Variants in GRM8 observed in about 807,000 individuals in gnomAD.
GRM8 encodes the protein metabotropic glutamate receptor 8.
A neutral mutation model predicts 87.2 loss-of-function variants in GRM8; 47 were observed. The ratio of observed to expected loss-of-function variants is 0.54; its 90% CI spans 0.43 to 0.69. The LOEUF (loss-of-function observed/expected upper bound fraction) is 0.69. Among genes scored for constraint, GRM8 ranks in the 30% least tolerant of loss-of-function variants. The pLI is 0.00. For synonymous variants in GRM8, 396 were observed against 404.5 expected (o/e 0.98, Z 0.25); for missense variants, 1,019 against 1,139.2 (o/e 0.89, Z 1.52).
intron 7 of GRM8, among the ~76,000 whole-genome samples, chr7:126,652,445 T>C (rs1365254036): frequency 1.3e-5 from 2 of 152,160 alleles, no homozygotes; most frequent in Non-Finnish European, 2.9e-5. Flanking sequence ...GTGAGGGTGT[T>C]GCCAAAGGAG....
chr7:126,546,080 G>T lies in GRM8; in HGVS notation c.1495-12193C>A, dbSNP rs117890525. On this transcript the variant is annotated intron_variant, in intron 8 of 10. Transcript: ENST00000339582. ...AGGTTTGGAATGAATATTTTCAGTG[G>T]CAAGCTATTTTATATTAGTAAACAA... Among the ~76,000 whole-genome samples, 292 of 152,168 alleles carry T rather than the reference G, an allele frequency of 1.9e-3. 1 individual carries two copies. The highest frequency in any genetic ancestry group is 3.4e-3 in the Non-Finnish European group (230 of 68,014).
intron 6 of GRM8, among the ~76,000 whole-genome samples, chr7:126,881,857 C>T (rs1418311746): frequency 6.6e-6 from 1 of 152,142 alleles, no homozygotes; most frequent in Non-Finnish European, 1.5e-5. Flanking sequence ...GTAACTACTG[C>T]TGTGACTGAC....
chr7:127,116,412 G>A (rs13223635), intron 2 of GRM8, among the ~76,000 whole-genome samples: 37,351 of 152,068 alleles, frequency 0.25, 5,456 homozygotes, highest in Non-Finnish European at 0.34. Flanking sequence ...TGCCAGACAC[G>A]GTGACAGGCC....
At chr7:126,616,992 T>G (rs1386316243) in intron 7 of GRM8, among the ~76,000 whole-genome samples, 4 of 152,008 alleles carry the variant, frequency 2.6e-5, no homozygotes, top group Non-Finnish European at 5.9e-5. Context: ...TTCCAATCAA[T>G]AGAAAAAGAG....
chr7:126,650,605 T>G (rs569760863), intron 7 of GRM8, among the ~76,000 whole-genome samples: 21 of 152,136 alleles, frequency 1.4e-4, no homozygotes, highest in African/African-American at 5.1e-4. Flanking sequence ...GGTCAGGGAC[T>G]TGGAAGAAGC....
At chr7:127,081,872 T>G (rs6979572) in intron 3 of GRM8, among the ~76,000 whole-genome samples, 1 of 151,952 alleles carries the variant, frequency 6.6e-6, no homozygotes, top group Non-Finnish European at 1.5e-5. Flanking sequence ...TGAGTGCTGA[T>G]AAAGGAGACA....
rs191023260 is a variant in GRM8, at chr7:126,489,647, G to A, written c.2431-43275C>T. Reference sequence around the variant, plus strand: ...TTAGACTTTTCTTTTTCCCTTTAAGGTTTTACCCTCATCCACAGCAACCTT... The same window carrying A: ...TTAGACTTTTCTTTTTCCCTTTAAGATTTTACCCTCATCCACAGCAACCTT... On this transcript the variant is annotated intron_variant, in intron 9 of 10. Transcript: ENST00000339582. Among the ~76,000 whole-genome samples the A allele has an allele frequency of 1.0e-3, 153 of 151,982 alleles. 2 individuals carry two copies. The highest frequency in any genetic ancestry group is 6.8e-3 in the Middle Eastern group (2 of 294).
At chr7:127,079,920 T>C (rs114798042) in intron 3 of GRM8, among the ~76,000 whole-genome samples, 273 of 152,266 alleles carry the variant, frequency 1.8e-3, no homozygotes, top group African/African-American at 6.2e-3. Flanking sequence ...TGGAGGAACA[T>C]AAACGATTGT....
At chr7:127,151,193 C>G (rs1828842061) in intron 2 of GRM8, among the ~76,000 whole-genome samples, 1 of 151,976 alleles carries the variant, frequency 6.6e-6, no homozygotes, top group South Asian at 2.1e-4. Flanking sequence ...TCCACCTGGC[C>G]TAGAGGGTAT....
chr7:126,484,699 T>C (rs142762227), intron 9 of GRM8, among the ~76,000 whole-genome samples: 169 of 152,234 alleles, frequency 1.1e-3, no homozygotes, highest in African/African-American at 3.9e-3. Context: ...TAAATCTTTA[T>C]TCCAAAAGTT....
At chr7:126,597,756 T>C (rs980678059) in intron 8 of GRM8, among the ~76,000 whole-genome samples, 19 of 152,098 alleles carry the variant, frequency 1.2e-4, no homozygotes, top group Non-Finnish European at 2.5e-4. Flanking sequence ...ATTTTCCTTT[T>C]CCAATTAAAC....
chr7:126,964,233 T>C (rs182434066), intron 3 of GRM8, among the ~76,000 whole-genome samples: 1 of 152,200 alleles, frequency 6.6e-6, no homozygotes, highest in African/African-American at 2.4e-5. Flanking sequence ...ACCTAGGCAA[T>C]ACCATTGAGG....
chr7:127,214,555 T>TA (rs1357333418), intron 2 of GRM8, among the ~76,000 whole-genome samples: 1 of 152,150 alleles, frequency 6.6e-6, no homozygotes, highest in Non-Finnish European at 1.5e-5. Flanking sequence ...TGAGGAAACT[T>TA]ACAATCATGG....
At chr7:127,036,664 T>C (rs1211401791) in intron 3 of GRM8, among the ~76,000 whole-genome samples, 1 of 152,128 alleles carries the variant, frequency 6.6e-6, no homozygotes, top group Admixed American at 6.6e-5. Flanking sequence ...TAGAGCCAAA[T>C]GTGGGGTTTG....
intron 2 of GRM8, among the ~76,000 whole-genome samples, chr7:127,175,279 T>A (rs1794036472): frequency 6.6e-6 from 1 of 152,054 alleles, no homozygotes; most frequent in Non-Finnish European, 1.5e-5. Context: ...ATAAAAAGAA[T>A]CAGTGAGCTT....
At chr7:126,908,804 G>C (rs2131273586) in intron 3 of GRM8, among the ~76,000 whole-genome samples, 1 of 152,282 alleles carries the variant, frequency 6.6e-6, no homozygotes, top group African/African-American at 2.4e-5. Context: ...AATTTTCCTG[G>C]AAAGAGGCAC....
At chr7:127,063,079 C>T (rs1049928404) in intron 3 of GRM8, among the ~76,000 whole-genome samples, 9 of 152,088 alleles carry the variant, frequency 5.9e-5, no homozygotes, top group East Asian at 1.9e-4. Context: ...GGTGAAACCC[C>T]GTTTCTACAA....
intron 1 of GRM8, among the ~76,000 whole-genome samples, chr7:127,246,581 A>C (rs903442582): frequency 1.3e-5 from 2 of 151,450 alleles, no homozygotes; most frequent in South Asian, 2.1e-4. Flanking sequence ...CTTCCTGTGC[A>C]CTCCCCCGCC....
At chr7:126,847,613 C>T (rs146060319) in intron 6 of GRM8, among the ~76,000 whole-genome samples, 82 of 152,266 alleles carry the variant, frequency 5.4e-4, no homozygotes, top group African/African-American at 1.9e-3. Flanking sequence ...CACATGATTT[C>T]TCCTACATGG....
Sources: gnomAD v4.1 joint callset for allele counts (sites outside exome capture counted in the v4.1 genomes callset) on GRCh38, gnomAD v4.1.1 for gene constraint, MANE v1.5 for transcripts, NCBI Gene and HGNC (gene_info 2026-07-23, HGNC 2026-07-21) for gene names.